DCDC1: variants seen among roughly 807,000 people sequenced by gnomAD.
DCDC1 encodes doublecortin domain containing 1.
In DCDC1, 200 loss-of-function variants were observed where a neutral mutation model predicts 178.3. The ratio of observed to expected loss-of-function variants is 1.12; its 90% CI spans 1.00 to 1.26. DCDC1 has a LOEUF of 1.26. Among genes scored for constraint, DCDC1 ranks in the 50% most tolerant of loss-of-function variants. The pLI is 0.00. For synonymous variants in DCDC1, 690 were observed against 604.8 expected (o/e 1.14, Z -2.07); for missense variants, 1,983 against 1,749.2 (o/e 1.13, Z -2.38).
intron 20 of DCDC1, among the ~76,000 whole-genome samples, chr11:31,006,705 T>A (rs1208598103): frequency 6.6e-6 from 1 of 152,202 alleles, no homozygotes; most frequent in African/African-American, 2.4e-5. Flanking sequence ...AAGCACCCAA[T>A]AAATATTCGC....
Position 31,215,313 on chromosome 11 carries a change from TAAG to T in DCDC1, c.1221+26134_1221+26136del, listed in dbSNP as rs1224137690. 5.8e-5 allele frequency: 9 copies of T among 155,222 alleles called. No individual in the cohort carries two copies. In the East Asian group the frequency reaches 1.5e-3, roughly 26 times the overall value. The allele number at this position is 155,222 out of a possible 1,614,324, so 9.6% of individuals were successfully genotyped here. Reference sequence around the variant, plus strand: ...TTCATAAATAAATACATTTTAAAAATAAGAAATTTCTGTTGAAAACTAATATAA... The same window carrying T: ...TTCATAAATAAATACATTTTAAAAATAAATTTCTGTTGAAAACTAATATAA... On this transcript the variant is annotated intron_variant, in intron 9 of 38. Coordinates refer to ENST00000684477, the MANE Select transcript of DCDC1 (RefSeq NM_001387274.1).
At chr11:30,990,213 T>G (rs1274642551) in intron 20 of DCDC1, among the ~76,000 whole-genome samples, 1 of 152,152 alleles carries the variant, frequency 6.6e-6, no homozygotes, top group African/African-American at 2.4e-5. Flanking sequence ...AGTTTGTGCA[T>G]GCAAGGTAAA....
chr11:31,119,001 G>T (rs1429148589), intron 11 of DCDC1, among the ~76,000 whole-genome samples: 3 of 152,118 alleles, frequency 2.0e-5, no homozygotes. Flanking sequence ...TGAATATACT[G>T]GCATTTTCCC....
chr11:30,931,751 T>C lies in DCDC1; in HGVS notation c.2897+20A>G. 1 of 1,600,632 alleles carries C rather than the reference T, an allele frequency of 6.2e-7. No homozygotes were observed. On this transcript the variant is annotated intron_variant, in intron 22 of 38. Transcript: ENST00000684477. ...CAAACTAGAAAGTGTATTTAATAAGTATGAACAAGTTGTTCTTACTGCGTT... is the reference window on the plus strand; with the variant it reads ...CAAACTAGAAAGTGTATTTAATAAGCATGAACAAGTTGTTCTTACTGCGTT...
At chr11:30,923,730 C>A (rs1946414028) in intron 23 of DCDC1, among the ~76,000 whole-genome samples, 1 of 151,866 alleles carries the variant, frequency 6.6e-6, no homozygotes, top group African/African-American at 2.4e-5. Flanking sequence ...GATTCTCGTG[C>A]CTCAGCCTCC....
intron 20 of DCDC1, among the ~76,000 whole-genome samples, chr11:31,033,999 C>G (rs1016001190): frequency 2.6e-5 from 4 of 151,798 alleles, no homozygotes; most frequent in African/African-American, 9.7e-5. Context: ...TAAAAATTAG[C>G]TGGGTGTGGC....
At chr11:30,947,993 G>A (rs1003664986) in intron 21 of DCDC1, among the ~76,000 whole-genome samples, 9 of 152,086 alleles carry the variant, frequency 5.9e-5, no homozygotes, top group African/African-American at 2.2e-4. Context: ...TATTGGAAGT[G>A]GCTGGCCCAG....
intron 20 of DCDC1, among the ~76,000 whole-genome samples, chr11:31,037,416 C>T (rs756097063): frequency 8.9e-5 from 13 of 146,642 alleles, no homozygotes; most frequent in Non-Finnish European, 1.6e-4. Flanking sequence ...ATTGGCCTGC[C>T]TCTAAATATT....
chr11:31,246,772 CAAACA>C (rs907478239), intron 8 of DCDC1, among the ~76,000 whole-genome samples: 7 of 151,978 alleles, frequency 4.6e-5, no homozygotes, highest in African/African-American at 1.7e-4. Flanking sequence ...TATTTTTATC[CAAACA>C]AAACTAAACT....
At chr11:31,033,862 C>T (rs947178564) in intron 20 of DCDC1, among the ~76,000 whole-genome samples, 3 of 137,496 alleles carry the variant, frequency 2.2e-5, no homozygotes, top group Admixed American at 7.3e-5. Context: ...GTCTACAGGC[C>T]GGGCACAGTG....
In DCDC1 at chr11:31,310,308, A is replaced by ATTTT. The variant is rs11407483; in HGVS notation, c.165-2404_165-2401dup. 1.4e-3 allele frequency among the ~76,000 whole-genome samples: 74 copies of ATTTT among 53,878 alleles called. 6 individuals carry two copies. The highest frequency in any genetic ancestry group is 5.0e-3 in the African/African-American group (59 of 11,728). 35.3% of individuals were successfully genotyped at this position (53,878 alleles called of 152,430 possible). ...GAGGACAGGTTTTCAGTAATTCTTG[A>ATTTT]TTTTTTTTTTTTTTTTTTTTTTTTT... is the stretch of plus-strand genomic sequence containing the variant. On this transcript the variant is annotated intron_variant, in intron 3 of 38. Transcript: ENST00000684477.
chr11:31,354,284 C>T (rs1951221467), intron 1 of DCDC1, among the ~76,000 whole-genome samples: 1 of 151,878 alleles, frequency 6.6e-6, no homozygotes, highest in South Asian at 2.1e-4. Context: ...GACTCTGTCT[C>T]AAAAACAAAC....
In DCDC1 at chr11:31,233,104, G is replaced by A. The variant is rs1013521553; in HGVS notation, c.1221+8346C>T. On this transcript the variant is annotated intron_variant, in intron 9 of 38. Coordinates refer to ENST00000684477, the MANE Select transcript of DCDC1 (RefSeq NM_001387274.1). ...CTTCATCTCAAAAAAAAAAAAAAGAGTCTTATATACCTTATTTAATCTTCA... is the reference window on the plus strand; with the variant it reads ...CTTCATCTCAAAAAAAAAAAAAAGAATCTTATATACCTTATTTAATCTTCA... Among the ~76,000 whole-genome samples, 5 of 151,064 alleles carry A rather than the reference G, an allele frequency of 3.3e-5. 1 individual carries two copies. In the East Asian group the frequency reaches 9.8e-4, roughly 30 times the overall value.
At chr11:31,221,555 C>CTT (rs1591458423) in intron 9 of DCDC1, among the ~76,000 whole-genome samples, 1 of 152,306 alleles carries the variant, frequency 6.6e-6, no homozygotes, top group East Asian at 1.9e-4. Flanking sequence ...TGGTCCTGCC[C>CTT]TTTGAAAGAT....
chr11:30,891,973 T>C lies in DCDC1; in HGVS notation c.5082+845A>G, dbSNP rs561591316. Among the ~76,000 whole-genome samples, 12 of 152,288 alleles carry C rather than the reference T, an allele frequency of 7.9e-5. No homozygotes were observed. In the South Asian group the frequency reaches 2.5e-3, roughly 32 times the overall value. ...CTCCATGAACTTCTCCAAGCCAGTC[T>C]ATTATAGTATCTTGCCTTTCCACAC... On this transcript the variant is annotated intron_variant, in intron 36 of 38. Transcript: ENST00000684477.
chr11:30,952,475 C>A lies in DCDC1; in HGVS notation c.2685G>T (p.Trp895Cys), dbSNP rs988767263. 6.3e-7 allele frequency: 1 copy of A among 1,582,706 alleles called. No homozygotes were observed. The highest frequency in any genetic ancestry group is 8.6e-7 in the Non-Finnish European group (1 of 1,168,496). ...NPLWNKLTYM[W>C]PVLPSGQLNE... The stretch of plus-strand genomic sequence containing the variant: ...TAAGTTGGCCACTGGGAAGGACAGG[C>A]CACATGTAGGTAAGCTTGTTCCATA... The change falls in exon 21 of 39, where the codon TGG becomes TGT. Residue 895 changes from tryptophan (W) to cysteine (C), a missense_variant. Transcript: ENST00000684477.
intron 1 of DCDC1, among the ~76,000 whole-genome samples, chr11:31,354,027 C>T (rs1284704132): frequency 6.6e-6 from 1 of 152,188 alleles, no homozygotes; most frequent in Admixed American, 6.5e-5. Context: ...GTGGCTCACG[C>T]CTGTAATCCC....
chr11:30,923,517 G>C (rs918033042), intron 23 of DCDC1, among the ~76,000 whole-genome samples: 3 of 150,002 alleles, frequency 2.0e-5, no homozygotes, highest in African/African-American at 7.4e-5. Flanking sequence ...AGAAGAAAGA[G>C]AACCTCAGTG....
chr11:30,888,114 G>T (rs1437119463), intron 36 of DCDC1, among the ~76,000 whole-genome samples: 1 of 125,178 alleles, frequency 8.0e-6, no homozygotes, highest in Non-Finnish European at 1.7e-5. Context: ...AAGAAAGAAA[G>T]AAAGAAAGAA....
Sources: gnomAD v4.1 joint callset for allele counts (sites outside exome capture counted in the v4.1 genomes callset) on GRCh38, gnomAD v4.1.1 for gene constraint, MANE v1.5 for transcripts, NCBI Gene and HGNC (gene_info 2026-07-23, HGNC 2026-07-21) for gene names.